The following PACRG variants were observed in gnomAD, a reference collection of about 807,000 sequenced individuals.
PACRG encodes parkin coregulated, also known as parkin coregulated gene protein.
PACRG carries 29 observed loss-of-function variants against 29.7 expected under a neutral mutation model. The ratio of observed to expected loss-of-function variants is 0.98; its 90% CI spans 0.73 to 1.33. The LOEUF is 1.33. PACRG is among the 40% of genes most tolerant of loss of function. The probability of loss-of-function intolerance (pLI) is 0.00; values close to 1 mark genes in which losing one functional copy is unlikely to be tolerated. For synonymous variants in PACRG, 116 were observed against 118.7 expected (o/e 0.98, Z 0.15); for missense variants, 279 against 316.2 (o/e 0.88, Z 0.89).
intron 2 of PACRG, among the ~76,000 whole-genome samples, chr6:162,923,548 G>T (rs1055077695): frequency 6.6e-6 from 1 of 152,078 alleles, no homozygotes; most frequent in African/African-American, 2.4e-5. Flanking sequence ...TGAGAGATAG[G>T]GGTCTAGTTT....
At chr6:162,953,222 T>C (rs1469935733) in intron 2 of PACRG, among the ~76,000 whole-genome samples, 1 of 152,152 alleles carries the variant, frequency 6.6e-6, no homozygotes, top group African/African-American at 2.4e-5. Context: ...GTAGTCACGG[T>C]AGTTAAGGAG....
chr6:162,984,130 A>G (rs1802675834), intron 2 of PACRG, among the ~76,000 whole-genome samples: 1 of 151,950 alleles, frequency 6.6e-6, no homozygotes, highest in African/African-American at 2.4e-5. Context: ...TCACCTGAGC[A>G]GTGTACACAG....
Position 162,990,504 on chromosome 6 carries a change from T to C in PACRG, c.292-71646T>C, listed in dbSNP as rs373645455. Among the ~76,000 whole-genome samples, 64 of 140,304 alleles carry C rather than the reference T, an allele frequency of 4.6e-4. 2 individuals are homozygous for C. The East Asian group carries it at 0.013, about 28-fold the overall frequency. 92.0% of individuals were successfully genotyped at this position (140,304 alleles called of 152,430 possible). A position where few individuals can be genotyped will look rare whatever the true frequency, so the allele number is the denominator to read the frequency against. ...TGATGGCCAGTGATGATGAGCATTT[T>C]TTCATGTGTTTTTTGGCTGCATAAA... On this transcript the variant is annotated intron_variant, in intron 2 of 4. Transcript: ENST00000366888.
At chr6:162,967,602 T>C (rs7739647) in intron 2 of PACRG, among the ~76,000 whole-genome samples, 10 of 151,204 alleles carry the variant, frequency 6.6e-5, no homozygotes, top group African/African-American at 2.2e-4. Flanking sequence ...CGCCTCCCGG[T>C]TTCACGCCAT....
At chr6:163,026,621 C>T (rs1360024445) in intron 2 of PACRG, among the ~76,000 whole-genome samples, 1 of 152,170 alleles carries the variant, frequency 6.6e-6, no homozygotes, top group East Asian at 1.9e-4. Flanking sequence ...CCCAGGTTCC[C>T]CCATAAGACC....
chr6:163,040,022 T>C, intron 2 of PACRG, among the ~76,000 whole-genome samples: 1 of 152,206 alleles, frequency 6.6e-6, no homozygotes, highest in East Asian at 1.9e-4. Context: ...GAGATCTTCA[T>C]GGCAGCCCTT....
chr6:163,209,279 C>G (rs571527150), intron 4 of PACRG, among the ~76,000 whole-genome samples: 1 of 152,330 alleles, frequency 6.6e-6, no homozygotes, highest in East Asian at 1.9e-4. Context: ...TTAGTGCAGA[C>G]TAGCTGGAGT....
intron 2 of PACRG, among the ~76,000 whole-genome samples, chr6:162,982,347 G>A (rs1258818167): frequency 6.6e-6 from 1 of 151,782 alleles, no homozygotes; most frequent in African/African-American, 2.4e-5. Flanking sequence ...CTGGGTTTGG[G>A]TTTGGTTTTT....
chr6:163,309,830 C>A (rs1785340996), intron 4 of PACRG, among the ~76,000 whole-genome samples: 1 of 152,286 alleles, frequency 6.6e-6, no homozygotes, highest in East Asian at 1.9e-4. Flanking sequence ...GCGATGCTGC[C>A]GCTTCAGCCA....
intron 4 of PACRG, among the ~76,000 whole-genome samples, chr6:163,251,557 T>C (rs1241638007): frequency 6.6e-6 from 1 of 152,176 alleles, no homozygotes; most frequent in East Asian, 1.9e-4. Flanking sequence ...TTGGGAACAC[T>C]CTTAGTGTGT....
At chr6:162,890,139 A>G (rs1794648302) in intron 2 of PACRG, among the ~76,000 whole-genome samples, 1 of 152,220 alleles carries the variant, frequency 6.6e-6, no homozygotes, top group South Asian at 2.1e-4. Flanking sequence ...GCCATTTGTT[A>G]TTGAACATAA....
chr6:162,894,019 G>A (rs1164864006), intron 2 of PACRG, among the ~76,000 whole-genome samples: 2 of 152,160 alleles, frequency 1.3e-5, no homozygotes, highest in African/African-American at 4.8e-5. Context: ...CCACAGCAAG[G>A]GACCCAAGCT....
At chr6:162,941,606 T>C (rs1324461319) in intron 2 of PACRG, among the ~76,000 whole-genome samples, 5 of 152,210 alleles carry the variant, frequency 3.3e-5, no homozygotes, top group Non-Finnish European at 7.3e-5. Flanking sequence ...TGGTTTTGCC[T>C]GCTATGCCTC....
intron 4 of PACRG, among the ~76,000 whole-genome samples, chr6:163,210,721 A>G (rs1781101603): frequency 6.6e-6 from 1 of 152,204 alleles, no homozygotes; most frequent in Non-Finnish European, 1.5e-5. Flanking sequence ...TCTTTGTTGC[A>G]CCCAGTTTGT....
chr6:163,125,468 G>A (rs1424943361), intron 4 of PACRG, among the ~76,000 whole-genome samples: 2 of 152,102 alleles, frequency 1.3e-5, no homozygotes, highest in East Asian at 1.9e-4. Context: ...CACAGCAAAC[G>A]GCAAATTGGA....
At chr6:163,014,303 G>C (rs1220284679) in intron 2 of PACRG, among the ~76,000 whole-genome samples, 1 of 152,166 alleles carries the variant, frequency 6.6e-6, no homozygotes. Flanking sequence ...TGTGAAAAGT[G>C]CTGCAATAAG....
intron 2 of PACRG, among the ~76,000 whole-genome samples, chr6:162,861,480 T>A (rs1274518940): frequency 6.6e-6 from 1 of 152,140 alleles, no homozygotes; most frequent in African/African-American, 2.4e-5. Flanking sequence ...TTCCTCAAAT[T>A]TTTATTATTT....
chr6:163,202,459 ATG>A (rs1440232613), intron 4 of PACRG, among the ~76,000 whole-genome samples: 1 of 152,114 alleles, frequency 6.6e-6, no homozygotes, highest in Non-Finnish European at 1.5e-5. Context: ...ATACATATGT[ATG>A]TGTGCGTGTA....
intron 3 of PACRG, among the ~76,000 whole-genome samples, chr6:163,074,221 A>C (rs1407011373): frequency 3.9e-5 from 6 of 152,232 alleles, no homozygotes; most frequent in Non-Finnish European, 8.8e-5. Context: ...ACATAAACAC[A>C]ATGGAGTGCT....
Sources: gnomAD v4.1 joint callset for allele counts (sites outside exome capture counted in the v4.1 genomes callset) on GRCh38, gnomAD v4.1.1 for gene constraint, MANE v1.5 for transcripts, NCBI Gene and HGNC (gene_info 2026-07-23, HGNC 2026-07-21) for gene names.